Variants in CLSTN2 observed in about 807,000 individuals in gnomAD.
The protein encoded by CLSTN2 is calsyntenin 2, also known as calsyntenin-2.
Under a neutral mutation model 101.2 loss-of-function variants are expected in CLSTN2, and 48 were observed. The observed-to-expected ratio is 0.47, with a 90% confidence interval of 0.38 to 0.60. The LOEUF is 0.60. Among genes scored for constraint, CLSTN2 ranks in the 20% least tolerant of loss-of-function variants. The pLI is 0.00. For synonymous variants in CLSTN2, 481 were observed against 463.6 expected (o/e 1.04, Z -0.48); for missense variants, 1,160 against 1,238.2 (o/e 0.94, Z 0.95).
intron 1 of CLSTN2, among the ~76,000 whole-genome samples, chr3:140,172,040 A>G (rs9289600): frequency 0.79 from 117,263 of 149,258 alleles, 47,326 homozygotes; most frequent in South Asian, 0.87. Flanking sequence ...ATTCATCTTT[A>G]TAATGATCAT....
chr3:140,034,717 T>A (rs1034401942), intron 1 of CLSTN2, among the ~76,000 whole-genome samples: 1 of 152,232 alleles, frequency 6.6e-6, no homozygotes, highest in Non-Finnish European at 1.5e-5. Context: ...TTGGTATCTG[T>A]TGATAGCAAT....
At chr3:140,032,046 A>G (rs9820731) in intron 1 of CLSTN2, among the ~76,000 whole-genome samples, 22,547 of 152,172 alleles carry the variant, frequency 0.15, 1,801 homozygotes, top group African/African-American at 0.19. Context: ...CAGAACAAGC[A>G]CAAGTAGAGG....
At position 140,413,011 on chromosome 3, in the gene CLSTN2, C is replaced by T. The variant is rs546572866; in HGVS notation, c.638-8114C>T. On this transcript the variant is annotated intron_variant, in intron 4 of 16. Transcript: ENST00000458420. ...GAACTAGAACAAGAACAAACTAAAC[C>T]CTAAATTAGTAAAAGGAAAGAAATA... Among the ~76,000 whole-genome samples, 214 of 151,774 alleles carry T rather than the reference C, an allele frequency of 1.4e-3. 1 individual carries two copies. The highest frequency in any genetic ancestry group is 4.9e-3 in the African/African-American group (204 of 41,406).
At chr3:139,958,196 C>T (rs1560054042) in intron 1 of CLSTN2, among the ~76,000 whole-genome samples, 1 of 152,106 alleles carries the variant, frequency 6.6e-6, no homozygotes, top group Non-Finnish European at 1.5e-5. Context: ...TACATTGTTG[C>T]CCCTTGGCAG....
chr3:140,206,463 C>T lies in CLSTN2; in HGVS notation c.232+30390C>T, dbSNP rs143342082. 1.1e-3 allele frequency among the ~76,000 whole-genome samples: 166 copies of T among 152,306 alleles called. 5 individuals are homozygous for T. The East Asian group carries it at 0.029, about 26-fold the overall frequency. ...CCTATCAAGGAATCACAGCCCCAGC[C>T]AGCAGGAAATGAGCTTGAAGTGCTT... On this transcript the variant is annotated intron_variant, in intron 2 of 16. Transcript: ENST00000458420.
At chr3:140,415,486 C>CAAAAAAAAAAAAAAA (rs751616049) in intron 4 of CLSTN2, among the ~76,000 whole-genome samples, 40 of 56,856 alleles carry the variant, frequency 7.0e-4, no homozygotes, top group African/African-American at 1.3e-3. Flanking sequence ...CACAAAATAG[C>CAAAAAAAAAAAAAAA]AAAAAAAAAA....
intron 1 of CLSTN2, among the ~76,000 whole-genome samples, chr3:140,016,890 A>G (rs1035093289): frequency 1.3e-5 from 2 of 152,006 alleles, no homozygotes; most frequent in Non-Finnish European, 2.9e-5. Context: ...TGTTTATGTT[A>G]TCTGTAAGCT....
chr3:140,392,938 G>A (rs2107971726), intron 2 of CLSTN2, among the ~76,000 whole-genome samples: 1 of 152,156 alleles, frequency 6.6e-6, no homozygotes, highest in South Asian at 2.1e-4. Context: ...ACTCTGCAGA[G>A]TCCTGAGACA....
chr3:140,493,449 T>C (rs574442772), intron 8 of CLSTN2, among the ~76,000 whole-genome samples: 3 of 152,334 alleles, frequency 2.0e-5, no homozygotes, highest in South Asian at 2.1e-4. Flanking sequence ...CTTATAACTG[T>C]AGCATTAGTC....
chr3:140,349,609 T>C (rs1419233990), intron 2 of CLSTN2, among the ~76,000 whole-genome samples: 1 of 151,974 alleles, frequency 6.6e-6, no homozygotes, highest in South Asian at 2.1e-4. Context: ...TATGAGGGGG[T>C]GGGAATCGCC....
chr3:140,446,820 G>A (rs537071445), intron 5 of CLSTN2, among the ~76,000 whole-genome samples: 1 of 152,174 alleles, frequency 6.6e-6, no homozygotes, highest in Non-Finnish European at 1.5e-5. Flanking sequence ...AGCTAAAGGA[G>A]CCCCTCTCTA....
At chr3:140,390,302 G>A (rs2088099027) in intron 2 of CLSTN2, among the ~76,000 whole-genome samples, 1 of 152,114 alleles carries the variant, frequency 6.6e-6, no homozygotes, top group South Asian at 2.1e-4. Flanking sequence ...TTGAGATGTA[G>A]TGTTTGTATT....
intron 1 of CLSTN2, among the ~76,000 whole-genome samples, chr3:140,145,450 A>G (rs2009767284): frequency 6.6e-6 from 1 of 152,272 alleles, no homozygotes; most frequent in Non-Finnish European, 1.5e-5. Context: ...TGAAAGGTCC[A>G]TAGCTTCTGA....
intron 1 of CLSTN2, among the ~76,000 whole-genome samples, chr3:140,058,967 A>G (rs2008148433): frequency 6.6e-6 from 1 of 152,198 alleles, no homozygotes; most frequent in Admixed American, 6.5e-5. Context: ...ATGGAGGATA[A>G]GAAGCTATGG....
At chr3:140,072,777 T>C (rs762432828) in intron 1 of CLSTN2, among the ~76,000 whole-genome samples, 1 of 152,238 alleles carries the variant, frequency 6.6e-6, no homozygotes, top group Non-Finnish European at 1.5e-5. Context: ...TTGTGGCTTA[T>C]TGAAATGTGT....
chr3:140,537,079 C>T (rs1212711791), intron 9 of CLSTN2, among the ~76,000 whole-genome samples: 1 of 152,228 alleles, frequency 6.6e-6, no homozygotes, highest in East Asian at 1.9e-4. Flanking sequence ...CACTTATATA[C>T]ATAGTATAAT....
chr3:140,135,246 A>T (rs1352435121), intron 1 of CLSTN2, among the ~76,000 whole-genome samples: 1 of 150,578 alleles, frequency 6.6e-6, no homozygotes, highest in Non-Finnish European at 1.5e-5. Flanking sequence ...TAGTAAAGAT[A>T]CCTGTTTAAT....
chr3:140,343,536 A>G lies in CLSTN2; in HGVS notation c.233-60093A>G, dbSNP rs116413794. Among the ~76,000 whole-genome samples, 1,181 of 152,348 alleles carry G rather than the reference A, an allele frequency of 7.8e-3. 9 individuals carry two copies. The highest frequency in any genetic ancestry group is 0.014 in the Middle Eastern group (4 of 294). ...AACTTGTATCTTCCAGGGACTATCAATGCAGTGCATAAACAGAGAGCTTAA... is the reference window on the plus strand; with the variant it reads ...AACTTGTATCTTCCAGGGACTATCAGTGCAGTGCATAAACAGAGAGCTTAA... On this transcript the variant is annotated intron_variant, in intron 2 of 16. Transcript: ENST00000458420.
At chr3:140,310,745 G>T (rs1031132642) in intron 2 of CLSTN2, among the ~76,000 whole-genome samples, 1 of 152,012 alleles carries the variant, frequency 6.6e-6, no homozygotes, top group Non-Finnish European at 1.5e-5. Flanking sequence ...ATTCAAGATG[G>T]AATTATTATG....
Sources: gnomAD v4.1 joint callset for allele counts (sites outside exome capture counted in the v4.1 genomes callset) on GRCh38, gnomAD v4.1.1 for gene constraint, MANE v1.5 for transcripts, NCBI Gene and HGNC (gene_info 2026-07-23, HGNC 2026-07-21) for gene names.